The following FAM107B variants were observed in gnomAD, a reference collection of about 807,000 sequenced individuals.
The protein encoded by FAM107B is protein FAM107B.
A neutral mutation model predicts 31.5 loss-of-function variants in FAM107B; 21 were observed. The observed-to-expected ratio is 0.67, with a 90% CI of 0.47 to 0.96. The LOEUF is 0.96. FAM107B is among the 40% of genes least tolerant of loss of function. The pLI, the probability that FAM107B is intolerant of heterozygous loss-of-function variation, is 0.00. For missense variants in FAM107B, 452 were observed against 377.1 expected (o/e 1.20, Z -1.64); for synonymous variants, 157 against 141.5 (o/e 1.11, Z -0.78).
At chr10:14,545,963 G>A (rs1041713093) in intron 2 of FAM107B, among the ~76,000 whole-genome samples, 1 of 152,188 alleles carries the variant, frequency 6.6e-6, no homozygotes, top group Non-Finnish European at 1.5e-5. Context: ...CACAGACCAC[G>A]AAAAGCTTCC....
chr10:14,600,936 C>T (rs1047811379), intron 2 of FAM107B, among the ~76,000 whole-genome samples: 2 of 152,086 alleles, frequency 1.3e-5, no homozygotes, highest in Non-Finnish European at 2.9e-5. Flanking sequence ...CTGCCACACC[C>T]AGCTAATTTT....
intron 2 of FAM107B, among the ~76,000 whole-genome samples, chr10:14,626,588 C>T (rs1168669645): frequency 6.6e-6 from 1 of 150,680 alleles, no homozygotes; most frequent in African/African-American, 2.4e-5. Flanking sequence ...ACTGCAAGCT[C>T]CGCCTTCCGG....
chr10:14,720,316 C>T (rs1454864237), intron 1 of FAM107B, among the ~76,000 whole-genome samples: 2 of 152,098 alleles, frequency 1.3e-5, no homozygotes, highest in African/African-American at 2.4e-5. Context: ...TGCAGTGGCA[C>T]GATCTTGGCT....
At chr10:14,752,749 T>G (rs1832855076) in intron 1 of FAM107B, among the ~76,000 whole-genome samples, 1 of 152,132 alleles carries the variant, frequency 6.6e-6, no homozygotes, top group Admixed American at 6.5e-5. Flanking sequence ...CTGGGCAATG[T>G]GGCGAGACCC....
intron 2 of FAM107B, among the ~76,000 whole-genome samples, chr10:14,658,992 G>A (rs972836286): frequency 6.6e-6 from 1 of 152,206 alleles, no homozygotes; most frequent in Non-Finnish European, 1.5e-5. Flanking sequence ...GCAGAAAGTG[G>A]TCAAGGAAGC....
intron 1 of FAM107B, among the ~76,000 whole-genome samples, chr10:14,726,053 G>T (rs1856027968): frequency 6.6e-6 from 1 of 151,890 alleles, no homozygotes; most frequent in Non-Finnish European, 1.5e-5. Context: ...GAATGCAATG[G>T]CGCGATCTCA....
intron 2 of FAM107B, among the ~76,000 whole-genome samples, chr10:14,554,873 C>T (rs575273600): frequency 6.6e-6 from 1 of 152,304 alleles, no homozygotes; most frequent in South Asian, 2.1e-4. Flanking sequence ...CTCATTTAAT[C>T]AAGTGGATGA....
At chr10:14,599,220 G>A (rs987055488) in intron 2 of FAM107B, among the ~76,000 whole-genome samples, 5 of 151,794 alleles carry the variant, frequency 3.3e-5, no homozygotes, top group African/African-American at 1.2e-4. Context: ...GGGTTGCTGG[G>A]GCTCAGTGTC....
chr10:14,603,041 T>C (rs947878011), intron 2 of FAM107B, among the ~76,000 whole-genome samples: 1 of 144,762 alleles, frequency 6.9e-6, no homozygotes, highest in Non-Finnish European at 1.6e-5. Context: ...AAACACACTA[T>C]GGCTGCCAAG....
At chr10:14,639,479 G>A (rs1853579930) in intron 2 of FAM107B, among the ~76,000 whole-genome samples, 1 of 152,114 alleles carries the variant, frequency 6.6e-6, no homozygotes, top group South Asian at 2.1e-4. Context: ...GACTAGTCAG[G>A]AAATCCAGTA....
chr10:14,547,929 C>G (rs1168373448), intron 2 of FAM107B, among the ~76,000 whole-genome samples: 2 of 152,244 alleles, frequency 1.3e-5, no homozygotes, highest in African/African-American at 4.8e-5. Flanking sequence ...TTGTCTGTCT[C>G]TAACCAAACC....
At chr10:14,559,566 C>T (rs1322668204) in intron 2 of FAM107B, among the ~76,000 whole-genome samples, 1 of 146,390 alleles carries the variant, frequency 6.8e-6, no homozygotes, top group Non-Finnish European at 1.5e-5. Flanking sequence ...ACTCAGTTTT[C>T]AGAGGACTTT....
At chr10:14,568,693 G>T (rs1223152554) in intron 2 of FAM107B, among the ~76,000 whole-genome samples, 1 of 152,264 alleles carries the variant, frequency 6.6e-6, no homozygotes, top group Admixed American at 6.5e-5. Flanking sequence ...CTGATCTCTG[G>T]GTTAGACCAG....
At chr10:14,620,227 C>T (rs1051602842) in intron 2 of FAM107B, among the ~76,000 whole-genome samples, 5 of 151,966 alleles carry the variant, frequency 3.3e-5, no homozygotes, top group African/African-American at 1.2e-4. Flanking sequence ...CCATGTTGGC[C>T]AGGATGGTCT....
intron 2 of FAM107B, among the ~76,000 whole-genome samples, chr10:14,632,467 TG>T (rs1215970405): frequency 6.6e-6 from 1 of 151,258 alleles, no homozygotes; most frequent in Non-Finnish European, 1.5e-5. Flanking sequence ...AAATATTAGC[TG>T]GGCGTGGTGG....
chr10:14,650,356 A>C (rs1015975870), intron 2 of FAM107B, among the ~76,000 whole-genome samples: 1 of 151,892 alleles, frequency 6.6e-6, no homozygotes, highest in African/African-American at 2.4e-5. Flanking sequence ...GCAGGAGTGC[A>C]GTGGCATGAT....
chr10:14,616,416 A>G (rs1852851315), intron 2 of FAM107B, among the ~76,000 whole-genome samples: 1 of 152,238 alleles, frequency 6.6e-6, no homozygotes, highest in African/African-American at 2.4e-5. Context: ...CCAGGGGACT[A>G]TTAATGAGGT....
intron 2 of FAM107B, among the ~76,000 whole-genome samples, chr10:14,549,902 G>A (rs1250947343): frequency 6.6e-6 from 1 of 152,172 alleles, no homozygotes; most frequent in Admixed American, 6.5e-5. Context: ...TGGCAAACAA[G>A]GAACACAGAA....
chr10:14,611,249 A>C (rs1852716380), intron 2 of FAM107B, among the ~76,000 whole-genome samples: 1 of 152,204 alleles, frequency 6.6e-6, no homozygotes, highest in Non-Finnish European at 1.5e-5. Flanking sequence ...AATGGTCGAC[A>C]CTAATGAGTA....
Sources: allele counts gnomAD v4.1 joint callset (sites outside exome capture counted in the v4.1 genomes callset), GRCh38; gene constraint gnomAD v4.1.1; transcripts MANE v1.5; gene names NCBI Gene and HGNC (gene_info 2026-07-23, HGNC 2026-07-21).